PABPC3: variants seen among roughly 807,000 people sequenced by gnomAD.
PABPC3 encodes the protein poly(A) binding protein cytoplasmic 3, also known as polyadenylate-binding protein 3.
In PABPC3, 43 loss-of-function variants were observed where a neutral mutation model predicts 43.0. That is an observed-to-expected ratio of 1.00 (90% CI 0.78 to 1.29). The LOEUF (loss-of-function observed/expected upper bound fraction) is 1.29. Among genes scored for constraint, PABPC3 ranks in the 50% most tolerant of loss-of-function variants. The probability of loss-of-function intolerance (pLI) is 0.00; values close to 1 mark genes in which losing one functional copy is unlikely to be tolerated. For synonymous variants in PABPC3, 221 were observed against 274.6 expected, an observed-to-expected ratio of 0.80 and a Z score of 1.93; for missense variants, 784 against 798.1, an observed-to-expected ratio of 0.98 and a Z score of 0.21.
chr13:25,097,786 C>T lies in PABPC3; in HGVS notation c.1588C>T (p.Leu530Phe), dbSNP rs1250665327. The change falls in exon 1 of 1, where the codon CTT becomes TTT. Residue 530 changes from leucine (L) to phenylalanine (F), a missense_variant. Leu to Phe is a conservative substitution (Grantham distance 22). Transcript: ENST00000281589. ...NAQPQVTMQQ[L>F]AVHVQGQETL... ...ACAGCCACAAGTTACAATGCAACAG[C>T]TTGCTGTTCATGTACAAGGTCAGGA... 1.2e-6 allele frequency: 2 copies of T among 1,614,020 alleles called. No homozygotes were observed. The highest frequency in any genetic ancestry group is 2.7e-5 in the African/African-American group (2 of 74,924).
Position 25,096,322 on chromosome 13 carries a change from A to G in PABPC3, c.124A>G (p.Ile42Val). The change falls in exon 1 of 1, where the codon ATC becomes GTC. Residue 42 changes from isoleucine to valine, a missense_variant. Transcript: ENST00000281589. ...SPAGPILSIR[I>V]CRDLITSGSS... ...GGCAGGGCCCATCCTCTCCATCCGG[A>G]TCTGCAGGGACTTGATCACCAGCGG... is the stretch of plus-strand genomic sequence containing the variant. The G allele has an allele frequency of 4.3e-6, 7 of 1,614,226 alleles. No individual in the cohort carries two copies. Among genetic ancestry groups the G allele is most frequent in the Non-Finnish European group, 5.9e-6 (7 of 1,180,044 alleles).
In PABPC3 at chr13:25,097,966, T is replaced by C. The variant is rs779122561; in HGVS notation, c.1768T>C (p.Tyr590His). 4.9e-4 allele frequency: 709 copies of C among 1,435,782 alleles called. No individual in the cohort carries two copies. Among genetic ancestry groups the C allele is most frequent in the African/African-American group, 3.9e-3 (189 of 48,136 alleles). The allele number at this position is 1,435,782 out of a possible 1,614,324, so 88.9% of individuals were successfully genotyped here. A position where few individuals can be genotyped will look rare whatever the true frequency, so the allele number is the denominator to read the frequency against. ...LLEIDNSELL[Y>H]MLESPESLRS... ...GGAGATTGATAATTCAGAACTTCTT[T>C]ATATGCTCGAGTCTCCAGAGTCACT... Residue 590 changes from tyrosine to histidine, a missense_variant, in exon 1 of 1, where the codon TAT becomes CAT. Physicochemically the swap from Tyr to His is moderately conservative, Grantham distance 83 (BLOSUM62 2). Coordinates refer to ENST00000281589, the MANE Select transcript of PABPC3 (RefSeq NM_030979.3).
At chr13:25,096,242 TG>T in the PABPC3 span, 27 of 1,614,106 alleles carry the variant, frequency 1.7e-5, no homozygotes, top group East Asian at 5.1e-4. Flanking sequence ...TCGCTCTACG[TG>T]GGGGACCTCC....
rs148484463 is a variant in PABPC3, at chr13:25,097,183, G to A, written c.985G>A (p.Gly329Ser). 7.9e-5 allele frequency: 128 copies of A among 1,613,700 alleles called. No homozygotes were observed. The highest frequency in any genetic ancestry group is 1.0e-4 in the Non-Finnish European group (120 of 1,179,938). ...TITSAKVMME[G>S]GRSKGFGFVC... ...CACTAGTGCAAAGGTTATGATGGAA[G>A]GTGGTCGCAGCAAAGGGTTTGGTTT... is the stretch of plus-strand genomic sequence containing the variant. The change falls in exon 1 of 1, where the codon GGT (glycine) becomes AGT (serine). Residue 329 changes from glycine to serine, a missense_variant. Transcript: ENST00000281589.
chr13:25,096,197 G>C lies in PABPC3; in HGVS notation c.-2G>C. 6.2e-7 allele frequency: 1 copy of C among 1,609,570 alleles called. No individual in the cohort carries two copies. The highest frequency in any genetic ancestry group is 8.5e-7 in the Non-Finnish European group (1 of 1,176,932). ...GTGTGCCTGCGGGCAGCCGTGCCGA[G>C]AATGAACCCCAGCACCCCCAGCTAC... On this transcript the variant is annotated 5_prime_UTR_variant, in exon 1 of 1. Coordinates refer to ENST00000281589, the MANE Select transcript of PABPC3 (RefSeq NM_030979.3).
At chr13:25,096,203 A>AC in the PABPC3 span, 1 of 1,610,350 alleles carries the variant, frequency 6.2e-7, no homozygotes, top group Non-Finnish European at 8.5e-7. Flanking sequence ...CCGAGAATGA[A>AC]CCCCAGCACC....
In PABPC3 at chr13:25,096,227, C is replaced by T. The variant is rs371856829; in HGVS notation, c.29C>T (p.Thr10Met). 1.6e-4 allele frequency: 264 copies of T among 1,613,654 alleles called. No individual in the cohort carries two copies. Among genetic ancestry groups the T allele is most frequent in the Non-Finnish European group, 2.2e-4 (258 of 1,179,726 alleles). MNPSTPSYP[T>M]ASLYVGDLHP... ...AACCCCAGCACCCCCAGCTACCCAA[C>T]GGCCTCGCTCTACGTGGGGGACCTC... The change falls in exon 1 of 1, where the codon ACG (threonine) becomes ATG (methionine). Residue 10 changes from threonine (T) to methionine (M), a missense_variant. Coordinates refer to ENST00000281589, the MANE Select transcript of PABPC3 (RefSeq NM_030979.3).
rs1435041307 is a variant in PABPC3, at chr13:25,096,258, C to T, written c.60C>T (p.Pro20=). The change falls in exon 1 of 1, where the codon CCC becomes CCT. Residue 20 remains proline (P), a synonymous_variant. Coordinates refer to ENST00000281589, the MANE Select transcript of PABPC3 (RefSeq NM_030979.3). ...TASLYVGDLH[P]DVTEAMLYEK... is the part of the protein sequence containing the mutation. ...CGCTCTACGTGGGGGACCTCCACCCCGACGTGACTGAGGCGATGCTCTACG... is the reference window on the plus strand; with the variant it reads ...CGCTCTACGTGGGGGACCTCCACCCTGACGTGACTGAGGCGATGCTCTACG... 1.2e-6 allele frequency: 2 copies of T among 1,614,128 alleles called. No individual in the cohort carries two copies. Among genetic ancestry groups the T allele is most frequent in the Non-Finnish European group, 1.7e-6 (2 of 1,180,064 alleles).
In PABPC3 at chr13:25,096,179, T is replaced by C; in HGVS notation, c.-20T>C. 6.3e-7 allele frequency: 1 copy of C among 1,599,250 alleles called. No homozygotes were observed. The highest frequency in any genetic ancestry group is 8.5e-7 in the Non-Finnish European group (1 of 1,171,482). On this transcript the variant is annotated 5_prime_UTR_variant, in exon 1 of 1. Transcript: ENST00000281589. ...ACGGAAAGGTCGCGGCTTGTGTGCCTGCGGGCAGCCGTGCCGAGAATGAAC... is the reference window on the plus strand; with the variant it reads ...ACGGAAAGGTCGCGGCTTGTGTGCCCGCGGGCAGCCGTGCCGAGAATGAAC...
In PABPC3 at chr13:25,096,603, T is replaced by A. The variant is rs1458068664; in HGVS notation, c.405T>A (p.Asn135Lys). The change falls in exon 1 of 1, where the codon AAT becomes AAA. Residue 135 changes from asparagine (N) to lysine (K), a missense_variant. By Grantham distance (94) the Asn-to-Lys change is moderately conservative. Coordinates refer to ENST00000281589, the MANE Select transcript of PABPC3 (RefSeq NM_030979.3). ...CGTGTAACGTGGTTTGTGATGAAAA[T>A]GGTTCCAAGGGTTATGGATTTGTAC... ...ILSCNVVCDE[N>K]GSKGYGFVHF... 1.2e-6 allele frequency: 2 copies of A among 1,614,266 alleles called. No individual in the cohort carries two copies. The highest frequency in any genetic ancestry group is 1.3e-5 in the African/African-American group (1 of 75,078).
Position 25,097,454 on chromosome 13 carries a change from C to T in PABPC3, c.1256C>T (p.Pro419Leu). ...QTQNHAAYYP[P>L]SQIARLRPSP... ...CAGAACCATGCTGCATACTATCCTC[C>T]TAGCCAAATTGCTCGACTAAGACCA... is the stretch of plus-strand genomic sequence containing the variant. Residue 419 changes from proline (P) to leucine (L), a missense_variant, in exon 1 of 1, where the codon CCT (proline) becomes CTT (leucine). Coordinates refer to ENST00000281589, the MANE Select transcript of PABPC3 (RefSeq NM_030979.3). The T allele has an allele frequency of 6.2e-7, 1 of 1,614,244 alleles. No homozygotes were observed. The highest frequency in any genetic ancestry group is 8.5e-7 in the Non-Finnish European group (1 of 1,180,034).
rs1483221991 is a variant in PABPC3 at position 25,096,324 on chromosome 13, C to G, written c.126C>G (p.Ile42Met). ...SPAGPILSIR[I>M]CRDLITSGSS... The stretch of plus-strand genomic sequence containing the variant: ...CAGGGCCCATCCTCTCCATCCGGAT[C>G]TGCAGGGACTTGATCACCAGCGGCT... The change falls in exon 1 of 1, where the codon ATC becomes ATG. Residue 42 changes from isoleucine to methionine, a missense_variant. Transcript: ENST00000281589. 2 of 1,614,138 alleles carry G rather than the reference C, an allele frequency of 1.2e-6. No individual in the cohort carries two copies. The highest frequency in any genetic ancestry group is 2.7e-5 in the African/African-American group (2 of 74,946).
In PABPC3 at chr13:25,097,901, T is replaced by C. The variant is rs763902537; in HGVS notation, c.1703T>C (p.Met568Thr). 5 of 1,614,004 alleles carry C rather than the reference T, an allele frequency of 3.1e-6. No individual in the cohort carries two copies. The Admixed American group carries it at 6.7e-5, about 22-fold the overall frequency. ...GERLFPLIQA[M>T]HPTLAGKITG... Reference sequence around the variant, plus strand: ...CGGCTCTTTCCTCTTATTCAAGCCATGCACCCTACTCTTGCTGGGAAAATC... The same window carrying C: ...CGGCTCTTTCCTCTTATTCAAGCCACGCACCCTACTCTTGCTGGGAAAATC... Residue 568 changes from methionine to threonine, a missense_variant, in exon 1 of 1, where the codon ATG becomes ACG. Physicochemically the swap from Met to Thr is moderately conservative, Grantham distance 81 (BLOSUM62 -1). Coordinates refer to ENST00000281589, the MANE Select transcript of PABPC3 (RefSeq NM_030979.3).
At position 25,096,149 on chromosome 13, in the gene PABPC3, C is replaced by T. The variant is rs1956033680; in HGVS notation, c.-50C>T. 1 of 1,569,980 alleles carries T rather than the reference C, an allele frequency of 6.4e-7. No individual in the cohort carries two copies. The highest frequency in any genetic ancestry group is 8.7e-7 in the Non-Finnish European group (1 of 1,154,140). On this transcript the variant is annotated 5_prime_UTR_variant, in exon 1 of 1. Transcript: ENST00000281589. ...CCCGGCCCCGGCACGCGCTCTACTC[C>T]TGTAACGGAAAGGTCGCGGCTTGTG...
chr13:25,097,054 G>A lies in PABPC3; in HGVS notation c.856G>A (p.Asp286Asn). Residue 286 changes from aspartate (D) to asparagine (N), a missense_variant, in exon 1 of 1, where the codon GAT becomes AAT. Coordinates refer to ENST00000281589, the MANE Select transcript of PABPC3 (RefSeq NM_030979.3). ...GCGCACATTTGAACAGATGAAGCAA[G>A]ATAGGATCACCAGATACCAGGTTGT... ...LKRTFEQMKQ[D>N]RITRYQVVNL... 6.2e-7 allele frequency: 1 copy of A among 1,614,238 alleles called. No homozygotes were observed. Among genetic ancestry groups the A allele is most frequent in the Non-Finnish European group, 8.5e-7 (1 of 1,180,046 alleles).
chr13:25,098,100 A>T lies in PABPC3; in HGVS notation c.*6A>T. ...CCGGTGTTCCAACTGTTTAAAATTG[A>T]TCAGAGACCACGAAAAGAAATTTGT... is the stretch of plus-strand genomic sequence containing the variant. On this transcript the variant is annotated 3_prime_UTR_variant, in exon 1 of 1. Coordinates refer to ENST00000281589, the MANE Select transcript of PABPC3 (RefSeq NM_030979.3). 6.2e-7 allele frequency: 1 copy of T among 1,608,524 alleles called. No individual in the cohort carries two copies.
At position 25,097,053 on chromosome 13, in the gene PABPC3, A is replaced by G; in HGVS notation, c.855A>G (p.Gln285=). ...AGCGCACATTTGAACAGATGAAGCA[A>G]GATAGGATCACCAGATACCAGGTTG... ...ELKRTFEQMK[Q]DRITRYQVVN... is the part of the protein sequence containing the mutation. The change falls in exon 1 of 1, where the codon CAA becomes CAG. Residue 285 remains glutamine, a synonymous_variant. Coordinates refer to ENST00000281589, the MANE Select transcript of PABPC3 (RefSeq NM_030979.3). The G allele has an allele frequency of 6.2e-7, 1 of 1,614,260 alleles. No homozygotes were observed. Among genetic ancestry groups the G allele is most frequent in the Non-Finnish European group, 8.5e-7 (1 of 1,180,050 alleles).
rs144020440 is a variant in PABPC3 at position 25,096,504 on chromosome 13, C to A, written c.306C>A (p.Phe102Leu). 6.2e-6 allele frequency: 10 copies of A among 1,614,064 alleles called. No individual in the cohort carries two copies. In the African/African-American group the frequency reaches 8.0e-5, roughly 13 times the overall value. The part of the protein sequence containing the change: ...SLRKSGVGNI[F>L]VKNLDKSINN... Reference sequence around the variant, plus strand: ...GAAAAAGTGGAGTGGGCAACATATTCGTTAAAAATCTGGATAAGTCCATTA... The same window carrying A: ...GAAAAAGTGGAGTGGGCAACATATTAGTTAAAAATCTGGATAAGTCCATTA... Residue 102 changes from phenylalanine to leucine, a missense_variant, in exon 1 of 1, where the codon TTC becomes TTA. Physicochemically the swap from Phe to Leu is conservative, Grantham distance 22. Coordinates refer to ENST00000281589, the MANE Select transcript of PABPC3 (RefSeq NM_030979.3).
chr13:25,097,895 A>G lies in PABPC3; in HGVS notation c.1697A>G (p.Gln566Arg), dbSNP rs745637677. The change falls in exon 1 of 1, where the codon CAA (glutamine) becomes CGA (arginine). Residue 566 changes from glutamine (Q) to arginine (R), a missense_variant. Gln to Arg is a conservative substitution (Grantham distance 43). Coordinates refer to ENST00000281589, the MANE Select transcript of PABPC3 (RefSeq NM_030979.3). Reference protein sequence around the residue: ...MLGERLFPLIQAMHPTLAGKI... With the variant: ...MLGERLFPLIRAMHPTLAGKI... Reference sequence around the variant, plus strand: ...GGTGAACGGCTCTTTCCTCTTATTCAAGCCATGCACCCTACTCTTGCTGGG... The same window carrying G: ...GGTGAACGGCTCTTTCCTCTTATTCGAGCCATGCACCCTACTCTTGCTGGG... 4 of 1,613,836 alleles carry G rather than the reference A, an allele frequency of 2.5e-6. No individual in the cohort carries two copies. The Admixed American group carries it at 5.0e-5, about 20-fold the overall frequency.
Sources: gnomAD v4.1 joint callset for allele counts on GRCh38, gnomAD v4.1.1 for gene constraint, MANE v1.5 for transcripts, NCBI Gene and HGNC (gene_info 2026-07-23, HGNC 2026-07-21) for gene names.